The following DCAF6 variants were observed in gnomAD, a reference collection of about 807,000 sequenced individuals.
DCAF6 encodes the protein DDB1- and CUL4-associated factor 6.
DCAF6 carries 54 observed loss-of-function variants against 125.1 expected under a neutral mutation model. The ratio of observed to expected loss-of-function variants is 0.43; its 90% CI spans 0.35 to 0.54. The LOEUF (loss-of-function observed/expected upper bound fraction) is 0.54. DCAF6 is among the 20% of genes least tolerant of loss of function. The probability of loss-of-function intolerance (pLI) is 0.01; values close to 1 mark genes in which losing one functional copy is unlikely to be tolerated. For missense variants in DCAF6, 934 were observed against 1,161.7 expected, an observed-to-expected ratio of 0.80 and a Z score of 2.85; for synonymous variants, 371 against 390.4, an observed-to-expected ratio of 0.95 and a Z score of 0.58.
At chr1:168,003,763 T>C in intron 8 of DCAF6, 107 bp from the exon 9 acceptor site, 1 of 1,025,588 alleles carries the variant, frequency 9.8e-7, no homozygotes, top group Non-Finnish European at 1.4e-6. Flanking sequence ...GAAATTTGAT[T>C]TTTAAAAATA....
intron 3 of DCAF6, among the ~76,000 whole-genome samples, chr1:167,967,509 G>C (rs1676597063): frequency 6.6e-6 from 1 of 152,116 alleles, no homozygotes; most frequent in Non-Finnish European, 1.5e-5. Flanking sequence ...AGTGTGTGAT[G>C]TTCTTTACAC....
upstream of DCAF6, chr1:167,936,443 T>C: frequency 5.5e-6 from 1 of 181,246 alleles, no homozygotes; most frequent in South Asian, 1.1e-4. Context: ...AGCTTCTCTC[T>C]CTACTCGTCT....
At chr1:167,973,686 T>C (rs1435215386) in intron 3 of DCAF6, among the ~76,000 whole-genome samples, 1 of 152,142 alleles carries the variant, frequency 6.6e-6, no homozygotes, top group South Asian at 2.1e-4. Flanking sequence ...CAAGCCAACT[T>C]AGTGTTGGTG....
intron 2 of DCAF6, among the ~76,000 whole-genome samples, chr1:167,956,464 T>C (rs1298104572): frequency 2.6e-5 from 4 of 152,154 alleles, no homozygotes; most frequent in Non-Finnish European, 4.4e-5. Context: ...TTTTCCTGAT[T>C]AGTTTGGCTA....
the DCAF6 span, among the ~76,000 whole-genome samples, chr1:167,870,682 G>A: frequency 6.6e-6 from 1 of 151,034 alleles, no homozygotes; most frequent in Non-Finnish European, 1.5e-5. Flanking sequence ...GGTGGCGGGT[G>A]CCTGTAGTCC....
chr1:168,001,545 G>A (rs749474809), intron 7 of DCAF6, among the ~76,000 whole-genome samples: 15 of 152,150 alleles, frequency 9.9e-5, no homozygotes, highest in South Asian at 2.1e-4. Flanking sequence ...AGGAGTGGTA[G>A]ATTGAATATA....
the DCAF6 span, among the ~76,000 whole-genome samples, chr1:167,872,898 C>T: frequency 4.6e-5 from 7 of 151,324 alleles, no homozygotes; most frequent in East Asian, 3.9e-4. Context: ...GGTGAAACCC[C>T]GTCTCTACTA....
At chr1:167,932,089 A>T (rs1468565944), upstream of DCAF6, among the ~76,000 whole-genome samples, 1 of 152,210 alleles carries the variant, frequency 6.6e-6, no homozygotes, top group African/African-American at 2.4e-5. Context: ...AATGTAATTC[A>T]GTAAAAGGAG....
chr1:168,066,273 C>A, intron 19 of DCAF6, 104 bp from the exon 20 acceptor site: 1 of 586,332 alleles, frequency 1.7e-6, no homozygotes, highest in South Asian at 3.3e-5. Context: ...TGTACAATTG[C>A]TGTTCAAGGT....
the DCAF6 span, among the ~76,000 whole-genome samples, chr1:167,875,817 G>T: frequency 6.6e-6 from 1 of 152,166 alleles, no homozygotes; most frequent in Non-Finnish European, 1.5e-5. Context: ...GCCAGGCATG[G>T]TGGCGGTTGC....
the DCAF6 span, chr1:167,880,338 C>A: frequency 1.0e-6 from 1 of 962,860 alleles, no homozygotes; most frequent in South Asian, 1.3e-5. Context: ...GGCATTTCTA[C>A]ATGGCCCGGA....
chr1:168,022,733 G>A (rs557846778), intron 11 of DCAF6, among the ~76,000 whole-genome samples: 1 of 152,104 alleles, frequency 6.6e-6, no homozygotes, highest in Admixed American at 6.6e-5. Flanking sequence ...TCTGGTATAC[G>A]AATTTGATAA....
intron 5 of DCAF6, among the ~76,000 whole-genome samples, chr1:167,990,368 G>GA (rs893953370): frequency 9.2e-4 from 137 of 149,320 alleles, no homozygotes; most frequent in Non-Finnish European, 1.4e-3. Context: ...ATCTCAAAAA[G>GA]AAAAAAAAAT....
At chr1:168,054,138 G>A (rs74898895) in intron 17 of DCAF6, among the ~76,000 whole-genome samples, 1,768 of 152,214 alleles carry the variant, frequency 0.012, 41 homozygotes, top group African/African-American at 0.04. Context: ...GCTAGATAAC[G>A]CTAACATACT....
chr1:168,011,111 A>ATTTTTTTTTT (rs370763073), intron 10 of DCAF6, among the ~76,000 whole-genome samples: 2 of 110,360 alleles, frequency 1.8e-5, no homozygotes, highest in African/African-American at 3.6e-5. Flanking sequence ...GACCATCAGA[A>ATTTTTTTTTT]TTTTTTTTTT....
intron 7 of DCAF6, among the ~76,000 whole-genome samples, chr1:168,000,644 A>G (rs542401453): frequency 1.3e-5 from 2 of 152,192 alleles, no homozygotes; most frequent in Non-Finnish European, 2.9e-5. Context: ...AGAATAGGGT[A>G]TCTTGCTAAA....
the DCAF6 span, among the ~76,000 whole-genome samples, chr1:167,927,401 T>A: frequency 6.6e-6 from 1 of 152,248 alleles, no homozygotes; most frequent in Non-Finnish European, 1.5e-5. Context: ...TTTTTCTTTG[T>A]CATACACAGT....
At chr1:167,953,776 T>G (rs1474673357) in intron 2 of DCAF6, among the ~76,000 whole-genome samples, 1 of 152,112 alleles carries the variant, frequency 6.6e-6, no homozygotes. Flanking sequence ...TTTTTGTGTC[T>G]TTAGTAGAGA....
At chr1:168,066,252 T>G (rs1490308055) in intron 19 of DCAF6, 125 bp from the exon 20 acceptor site, 1 of 490,974 alleles carries the variant, frequency 2.0e-6, no homozygotes, top group East Asian at 3.3e-5. Flanking sequence ...AATTAACAGT[T>G]AAATATATAG....
Sources: allele counts gnomAD v4.1 joint callset (sites outside exome capture counted in the v4.1 genomes callset), GRCh38; gene constraint gnomAD v4.1.1; transcripts MANE v1.5; gene names NCBI Gene and HGNC (gene_info 2026-07-23, HGNC 2026-07-21).